Variants in RAB11FIP3 observed in about 807,000 individuals in gnomAD.
RAB11FIP3 encodes rab11 family-interacting protein 3.
A neutral mutation model predicts 77.8 loss-of-function variants in RAB11FIP3; 17 were observed. The ratio of observed to expected loss-of-function variants is 0.22; its 90% confidence interval spans 0.15 to 0.33. RAB11FIP3 has a LOEUF of 0.33. Among genes scored for constraint, RAB11FIP3 ranks in the 10% least tolerant of loss-of-function variants. RAB11FIP3 has a pLI of 1.00. For synonymous variants in RAB11FIP3, 437 were observed against 448.2 expected, an observed-to-expected ratio of 0.98 and a Z score of 0.31; for missense variants, 1,005 against 1,011.2, an observed-to-expected ratio of 0.99 and a Z score of 0.08.
rs111650684 is a variant in RAB11FIP3 at position 500,975 on chromosome 16, G to A, written c.1302-2029G>A. On this transcript the variant is annotated intron_variant, in intron 6 of 13. Transcript: ENST00000262305. ...AAGGTCATGGGCGTTTAAGAGCAGC[G>A]ACTGGCCAAGAACATGATCTGTATC... Among the ~76,000 whole-genome samples, 1,270 of 152,252 alleles carry A rather than the reference G, an allele frequency of 8.3e-3. 13 individuals are homozygous for A. The highest frequency in any genetic ancestry group is 0.017 in the Middle Eastern group (5 of 294).
intron 1 of RAB11FIP3, among the ~76,000 whole-genome samples, chr16:437,258 A>G (rs2055145383): frequency 6.6e-6 from 1 of 150,998 alleles, no homozygotes; most frequent in Non-Finnish European, 1.5e-5. Context: ...AGCCTGGGCG[A>G]CAGAGGGAGA....
chr16:501,488 G>A (rs1221511905), intron 6 of RAB11FIP3, among the ~76,000 whole-genome samples: 2 of 146,844 alleles, frequency 1.4e-5, no homozygotes, highest in African/African-American at 5.1e-5. Flanking sequence ...CAAGGAAGCT[G>A]GGAGAGGGTC....
Position 521,280 on chromosome 16 carries a change from G to A in RAB11FIP3, c.*441G>A, listed in dbSNP as rs1006336908. 2.2e-5 allele frequency: 4 copies of A among 183,396 alleles called. No homozygotes were observed. The highest frequency in any genetic ancestry group is 2.2e-4 in the Admixed American group (4 of 18,346). 11.4% of individuals were successfully genotyped at this position (183,396 alleles called of 1,614,324 possible). ...ACGTGCAGCCCTGTTGGGAAGAAAG[G>A]AAGAAAACAGGTCCCTCCAGGGGTG... On this transcript the variant is annotated 3_prime_UTR_variant, in exon 14 of 14. Coordinates refer to ENST00000262305, the MANE Select transcript of RAB11FIP3 (RefSeq NM_014700.4).
intron 5 of RAB11FIP3, among the ~76,000 whole-genome samples, chr16:492,539 C>CCCGGG (rs2030653420): frequency 3.3e-5 from 5 of 151,756 alleles, no homozygotes; most frequent in Admixed American, 6.6e-5. Context: ...CGAGGCCGTC[C>CCCGGG]AGAATCTTGG....
intron 4 of RAB11FIP3, 47 bp from the exon 5 acceptor site, chr16:488,804 T>G (rs1596264642): frequency 6.3e-7 from 1 of 1,586,946 alleles, no homozygotes; most frequent in Non-Finnish European, 8.6e-7. Context: ...AGCTCGGGGG[T>G]GCCCTGGCCT....
chr16:436,039 G>A (rs548578351), intron 1 of RAB11FIP3, among the ~76,000 whole-genome samples: 12 of 152,070 alleles, frequency 7.9e-5, no homozygotes, highest in Non-Finnish European at 1.5e-4. Flanking sequence ...GGCCAGGCAC[G>A]GTGACTCACA....
At position 520,152 on chromosome 16, in the gene RAB11FIP3, C is replaced by T; in HGVS notation, c.1891C>T (p.His631Tyr). 6.5e-7 allele frequency: 1 copy of T among 1,546,372 alleles called. No individual in the cohort carries two copies. ...LIEDLRKQLE[H>Y]LQLLKLEAEQ... is the part of the protein sequence containing the mutation. ...CGAGGACCTCCGAAAGCAGCTGGAG[C>T]ACCTGCAGCTCCTCAAGCTGGAGGC... Residue 631 changes from histidine to tyrosine, a missense_variant, in exon 12 of 14, where the codon CAC becomes TAC. Transcript: ENST00000262305.
At chr16:486,989 T>C (rs1360208057) in intron 4 of RAB11FIP3, among the ~76,000 whole-genome samples, 2 of 152,176 alleles carry the variant, frequency 1.3e-5, no homozygotes, top group Admixed American at 1.3e-4. Context: ...TAACGTAGCC[T>C]AATTTTAGAT....
chr16:480,241 C>T (rs1188941379), intron 3 of RAB11FIP3, among the ~76,000 whole-genome samples: 3 of 136,592 alleles, frequency 2.2e-5, no homozygotes, highest in Non-Finnish European at 3.1e-5. Flanking sequence ...CTGGAGATTG[C>T]ACCACTGCAC....
chr16:434,287 A>C (rs2055090713), intron 1 of RAB11FIP3, among the ~76,000 whole-genome samples: 1 of 152,086 alleles, frequency 6.6e-6, no homozygotes, highest in Non-Finnish European at 1.5e-5. Flanking sequence ...ATGCTCGGCT[A>C]ATTTTTTGTA....
chr16:462,877 A>C, intron 2 of RAB11FIP3, among the ~76,000 whole-genome samples: 1 of 148,168 alleles, frequency 6.7e-6, no homozygotes, highest in African/African-American at 2.5e-5. Context: ...CCTCAGCACA[A>C]TGTCTTCCCC....
At chr16:451,677 T>C (rs2055410755) in intron 1 of RAB11FIP3, 1 of 151,310 alleles carries the variant, frequency 6.6e-6, no homozygotes. Flanking sequence ...CTACTAAAAA[T>C]ACAAAAAATT....
chr16:494,056 A>ACGC (rs1371322846), intron 5 of RAB11FIP3, among the ~76,000 whole-genome samples: 48 of 68,970 alleles, frequency 7.0e-4, no homozygotes, highest in East Asian at 9.9e-4. Flanking sequence ...GGCGCCCATC[A>ACGC]CCACACCTGG....
chr16:459,135 T>G (rs1422297682), intron 1 of RAB11FIP3, among the ~76,000 whole-genome samples: 1 of 151,886 alleles, frequency 6.6e-6, no homozygotes, highest in Admixed American at 6.6e-5. Flanking sequence ...TTTTTTTTTT[T>G]TTTTTTTTGA....
At chr16:492,874 A>G (rs547250092) in intron 5 of RAB11FIP3, among the ~76,000 whole-genome samples, 2 of 152,302 alleles carry the variant, frequency 1.3e-5, no homozygotes, top group Non-Finnish European at 2.9e-5. Flanking sequence ...GGGGCAGAGA[A>G]GGGACTAGGA....
At chr16:493,464 C>T (rs2030786480) in intron 5 of RAB11FIP3, among the ~76,000 whole-genome samples, 1 of 152,122 alleles carries the variant, frequency 6.6e-6, no homozygotes, top group Non-Finnish European at 1.5e-5. Flanking sequence ...GTCCAGACCA[C>T]CTCTGGAAGC....
Position 514,189 on chromosome 16 carries a change from A to C in RAB11FIP3, c.1640+3389A>C, listed in dbSNP as rs976535459. On this transcript the variant is annotated intron_variant, in intron 9 of 13. Transcript: ENST00000262305. This position sits in a 1 kb window ranked among gnomAD's most constrained non-coding sequence, Gnocchi z 4.6. ...CCTCCTGCAGCTTCCTGGAGTGGCC[A>C]CCAGGAACCTTGTGGTTCTCAGGGC... 2.0e-5 allele frequency among the ~76,000 whole-genome samples: 3 copies of C among 151,892 alleles called. No homozygotes were observed. The highest frequency in any genetic ancestry group is 4.4e-5 in the Non-Finnish European group (3 of 68,034).
chr16:441,490 C>T (rs2055226008), intron 1 of RAB11FIP3, among the ~76,000 whole-genome samples: 1 of 152,216 alleles, frequency 6.6e-6, no homozygotes, highest in Non-Finnish European at 1.5e-5. Context: ...CAAAGCCCCA[C>T]CTGTAGACCA....
At chr16:450,175 T>G (rs1389323720) in intron 1 of RAB11FIP3, among the ~76,000 whole-genome samples, 1 of 151,932 alleles carries the variant, frequency 6.6e-6, no homozygotes, top group African/African-American at 2.4e-5. Context: ...AACAAACTTT[T>G]TTTCTCTTTC....
Sources: gnomAD v4.1 joint callset for allele counts (sites outside exome capture counted in the v4.1 genomes callset) on GRCh38, gnomAD v4.1.1 for gene constraint, Gnocchi (gnomAD v3.1) non-coding constraint, MANE v1.5 for transcripts, NCBI Gene and HGNC (gene_info 2026-07-23, HGNC 2026-07-21) for gene names.